HS6ST1: variants seen among roughly 807,000 people sequenced by gnomAD.
The protein encoded by HS6ST1 is heparan-sulfate 6-O-sulfotransferase 1.
In HS6ST1, 3 loss-of-function variants were observed where a neutral mutation model predicts 25.2. That is an observed-to-expected ratio of 0.12 (90% CI 0.05 to 0.31). The LOEUF (loss-of-function observed/expected upper bound fraction) is 0.31. Ranked by LOEUF, HS6ST1 falls within the 10% of genes least tolerant of loss-of-function variation. The probability of loss-of-function intolerance (pLI) is 1.00; values close to 1 mark genes in which losing one functional copy is unlikely to be tolerated. For missense variants in HS6ST1, 310 were observed against 609.6 expected (o/e 0.51, Z 5.18); for synonymous variants, 204 against 275.1 (o/e 0.74, Z 2.56).
intron 1 of HS6ST1, among the ~76,000 whole-genome samples, chr2:128,276,214 G>A (rs1693691815): frequency 6.6e-6 from 1 of 152,072 alleles, no homozygotes; most frequent in African/African-American, 2.4e-5. Flanking sequence ...TGCAACCTCC[G>A]CCTCCTGGGT....
chr2:128,282,828 G>A (rs932970784), intron 1 of HS6ST1, among the ~76,000 whole-genome samples: 4 of 152,196 alleles, frequency 2.6e-5, no homozygotes, highest in African/African-American at 9.6e-5. Flanking sequence ...AAGCCTGAGC[G>A]TGCCCAGGGC....
intron 1 of HS6ST1, among the ~76,000 whole-genome samples, chr2:128,286,439 C>G (rs1343562306): frequency 2.0e-5 from 3 of 151,658 alleles, no homozygotes; most frequent in African/African-American, 7.3e-5. Context: ...GAGGAGCAGG[C>G]CTGGCAAGGG....
intron 1 of HS6ST1, among the ~76,000 whole-genome samples, chr2:128,298,619 G>A (rs1434615884): frequency 6.6e-6 from 1 of 152,172 alleles, no homozygotes; most frequent in Non-Finnish European, 1.5e-5. Context: ...CAAATTCATA[G>A]TCAGGAAGTA....
intron 1 of HS6ST1, among the ~76,000 whole-genome samples, chr2:128,293,633 G>T (rs73956987): frequency 6.6e-6 from 1 of 152,152 alleles, no homozygotes; most frequent in South Asian, 2.1e-4. Flanking sequence ...TGGAGGGCCC[G>T]GAGTCAGAGG....
chr2:128,310,744 C>T (rs1694278324), intron 1 of HS6ST1, among the ~76,000 whole-genome samples: 1 of 152,128 alleles, frequency 6.6e-6, no homozygotes, highest in Non-Finnish European at 1.5e-5. Context: ...TGGGCGTGTA[C>T]CTGCCATGTT....
chr2:128,270,015 G>C (rs868553137), intron 1 of HS6ST1, among the ~76,000 whole-genome samples: 1 of 152,320 alleles, frequency 6.6e-6, no homozygotes, highest in East Asian at 1.9e-4. Flanking sequence ...ACAGTGCCTG[G>C]CAAGTGGTGC....
intron 1 of HS6ST1, among the ~76,000 whole-genome samples, chr2:128,296,389 G>A (rs879686255): frequency 2.0e-5 from 3 of 152,070 alleles, no homozygotes; most frequent in Non-Finnish European, 4.4e-5. Context: ...ATAAGTAAAA[G>A]GTATTCAGAT....
At chr2:128,299,229 C>A (rs184596709) in intron 1 of HS6ST1, among the ~76,000 whole-genome samples, 2 of 152,236 alleles carry the variant, frequency 1.3e-5, no homozygotes, top group East Asian at 3.9e-4. Flanking sequence ...CACAACTCCC[C>A]GACGCACCCC....
In HS6ST1 at chr2:128,268,890, G is replaced by A. The variant is rs928098394; in HGVS notation, c.528-20C>T. ...AACTTCCTGCAAGGAGACGGGGAGA[G>A]GAGGTGAGGGCTGTGACGCAGCATG... On this transcript the variant is annotated intron_variant, in intron 1 of 1. Transcript: ENST00000259241. 1 of 1,590,710 alleles carries A rather than the reference G, an allele frequency of 6.3e-7. No homozygotes were observed. The highest frequency in any genetic ancestry group is 8.6e-7 in the Non-Finnish European group (1 of 1,169,236).
At chr2:128,316,065 C>T (rs1408168458) in intron 1 of HS6ST1, among the ~76,000 whole-genome samples, 2 of 152,216 alleles carry the variant, frequency 1.3e-5, no homozygotes, top group African/African-American at 4.8e-5. Context: ...GTTTTCCATT[C>T]TTGCTCCACA....
At chr2:128,307,268 C>T (rs1055944556) in intron 1 of HS6ST1, among the ~76,000 whole-genome samples, 6 of 152,144 alleles carry the variant, frequency 3.9e-5, no homozygotes, top group South Asian at 2.1e-4. Flanking sequence ...GGGGGGTGCA[C>T]GCTGCAGGGA....
rs570488974 is a variant in HS6ST1, at chr2:128,274,269, G to A, written c.528-5399C>T. Among the ~76,000 whole-genome samples the A allele has an allele frequency of 3.9e-5, 6 of 152,240 alleles. No homozygotes were observed. The South Asian group carries it at 1.2e-3, about 32-fold the overall frequency. ...CAAGTGCCGAGCAAATGAATGTGGG[G>A]AATGAACAGAGGACTAAAAAGTTGA... On this transcript the variant is annotated intron_variant, in intron 1 of 1. Transcript: ENST00000259241.
intron 1 of HS6ST1, among the ~76,000 whole-genome samples, chr2:128,301,569 T>C (rs1322107346): frequency 1.3e-5 from 2 of 152,188 alleles, no homozygotes; most frequent in East Asian, 1.9e-4. Flanking sequence ...GCCAACCACT[T>C]GTAAGGAAAA....
rs377739431 is a variant in HS6ST1, at chr2:128,296,693, A to C, written c.527+21344T>G. On this transcript the variant is annotated intron_variant, in intron 1 of 1. Coordinates refer to ENST00000259241, the MANE Select transcript of HS6ST1 (RefSeq NM_004807.3). Reference sequence around the variant, plus strand: ...AATACTTGTAAACTAAAAACTACAAAACACTGATGAAAGAAATTAAAGACA... The same window carrying C: ...AATACTTGTAAACTAAAAACTACAACACACTGATGAAAGAAATTAAAGACA... Among the ~76,000 whole-genome samples the C allele has an allele frequency of 1.7e-4, 26 of 152,362 alleles. No homozygotes were observed. In the South Asian group the frequency reaches 3.7e-3, roughly 22 times the overall value.
intron 1 of HS6ST1, among the ~76,000 whole-genome samples, chr2:128,310,368 G>A (rs1206217444): frequency 6.6e-6 from 1 of 152,232 alleles, no homozygotes; most frequent in Non-Finnish European, 1.5e-5. Flanking sequence ...AAGGAATCAA[G>A]GACCAACAGT....
At chr2:128,276,266 T>A (rs1338821600) in intron 1 of HS6ST1, among the ~76,000 whole-genome samples, 1 of 152,282 alleles carries the variant, frequency 6.6e-6, no homozygotes, top group Non-Finnish European at 1.5e-5. Flanking sequence ...TAGCTGGGAT[T>A]ACTCGTGGTG....
At chr2:128,292,529 C>T (rs910866428) in intron 1 of HS6ST1, among the ~76,000 whole-genome samples, 7 of 152,142 alleles carry the variant, frequency 4.6e-5, no homozygotes, top group East Asian at 1.9e-4. Context: ...CCAGGCATCC[C>T]GGCGAGGATG....
At chr2:128,301,798 C>A (rs1035053209) in intron 1 of HS6ST1, among the ~76,000 whole-genome samples, 7 of 152,188 alleles carry the variant, frequency 4.6e-5, no homozygotes, top group Admixed American at 2.6e-4. Flanking sequence ...CTGGGCCCAG[C>A]CTCCATGGGG....
chr2:128,309,631 C>T (rs963695517), intron 1 of HS6ST1, among the ~76,000 whole-genome samples: 2 of 152,250 alleles, frequency 1.3e-5, no homozygotes, highest in Non-Finnish European at 2.9e-5. Flanking sequence ...TGTATCTTTC[C>T]AGACAATTAG....
Sources: gnomAD v4.1 joint callset for allele counts (sites outside exome capture counted in the v4.1 genomes callset) on GRCh38, gnomAD v4.1.1 for gene constraint, MANE v1.5 for transcripts, NCBI Gene and HGNC (gene_info 2026-07-23, HGNC 2026-07-21) for gene names.